NSD1: variants seen among roughly 807,000 people sequenced by gnomAD.
The protein encoded by NSD1 is histone-lysine N-methyltransferase, H3 lysine-36 specific.
Under a neutral mutation model 242.7 loss-of-function variants are expected in NSD1, and 26 were observed. The ratio of observed to expected loss-of-function variants is 0.11; its 90% CI spans 0.08 to 0.15. The LOEUF is 0.15. Among genes scored for constraint, NSD1 ranks in the 10% least tolerant of loss-of-function variants. The pLI, the probability that NSD1 is intolerant of heterozygous loss-of-function variation, is 1.00. For synonymous variants in NSD1, 1,106 were observed against 1,178.1 expected (o/e 0.94, Z 1.25); for missense variants, 2,495 against 3,272.8 (o/e 0.76, Z 5.80).
chr5:177,212,022 C>G lies in NSD1; in HGVS notation c.3623C>G (p.Thr1208Ser). The G allele has an allele frequency of 6.2e-7, 1 of 1,614,124 alleles. No individual in the cohort carries two copies. Among genetic ancestry groups the G allele is most frequent in the Non-Finnish European group, 8.5e-7 (1 of 1,180,028 alleles). ...EGRDEFPEHR[T>S]PSASILEEPL... ...CGGGATGAGTTTCCAGAGCATAGAACTCCTTCAGCAAGCATACTTGAGGAA... is the reference window on the plus strand; with the variant it reads ...CGGGATGAGTTTCCAGAGCATAGAAGTCCTTCAGCAAGCATACTTGAGGAA... The change falls in exon 5 of 23, where the codon ACT becomes AGT. Residue 1208 changes from threonine (T) to serine (S), a missense_variant. Thr to Ser is a moderately conservative substitution (Grantham distance 58, BLOSUM62 1). This residue lies in a region of NSD1 where 426 missense variants were observed against 411.4 expected (regional missense o/e 1.04). Coordinates refer to ENST00000439151, the MANE Select transcript of NSD1 (RefSeq NM_022455.5).
rs953238743 is a variant in NSD1 at position 177,238,276 on chromosome 5, G to A, written c.3961G>A (p.Gly1321Ser). The A allele has an allele frequency of 1.9e-6, 3 of 1,614,046 alleles. No individual in the cohort carries two copies. Among genetic ancestry groups the A allele is most frequent in the Non-Finnish European group, 2.5e-6 (3 of 1,180,012 alleles). Residue 1321 changes from glycine to serine, a missense_variant, in exon 7 of 23, where the codon GGT becomes AGT. This residue lies in a region of NSD1 where 100 missense variants were observed against 190.7 expected (regional missense o/e 0.52). Transcript: ENST00000439151. This position sits in a 1 kb window ranked among gnomAD's most constrained non-coding sequence, Gnocchi z 4.6. ...RCEEESLLAR[G>S]RSSAQNKQVD... is the part of the protein sequence containing the mutation. ...TGAAGAGGAAAGCCTTCTAGCCCGA[G>A]GTCGATCTAGTGCTCAGAACAAGCA...
chr5:177,212,822 A>G (rs187673305), intron 5 of NSD1, among the ~76,000 whole-genome samples: 1 of 150,810 alleles, frequency 6.6e-6, no homozygotes, highest in East Asian at 2.0e-4. Flanking sequence ...TTGTATTTTT[A>G]GTAGAGATGA....
intron 8 of NSD1, among the ~76,000 whole-genome samples, chr5:177,241,380 G>T (rs1054132662): frequency 6.6e-6 from 1 of 151,178 alleles, no homozygotes; most frequent in African/African-American, 2.4e-5. Context: ...TGGTACCTGC[G>T]CATAATCCCA....
At chr5:177,158,999 T>G (rs1581161412) in intron 2 of NSD1, among the ~76,000 whole-genome samples, 7 of 13,050 alleles carry the variant, frequency 5.4e-4, no homozygotes, top group African/African-American at 1.7e-3. Flanking sequence ...TGAATGATTT[T>G]ATATATATAT....
intron 13 of NSD1, among the ~76,000 whole-genome samples, chr5:177,258,592 ATGGCTCGATCT>A (rs1284002125): frequency 6.6e-6 from 1 of 151,514 alleles, no homozygotes; most frequent in Non-Finnish European, 1.5e-5. Context: ...CTGGAGTGCA[ATGGCTCGATCT>A]TGGCTCACTG....
intron 10 of NSD1, among the ~76,000 whole-genome samples, chr5:177,247,481 C>G (rs1392038217): frequency 3.3e-5 from 5 of 150,702 alleles, no homozygotes; most frequent in Admixed American, 2.0e-4. Flanking sequence ...CCACTCAGCT[C>G]TTTGGGAGGC....
chr5:177,247,622 T>G (rs1418904075), intron 10 of NSD1, among the ~76,000 whole-genome samples: 1 of 152,014 alleles, frequency 6.6e-6, no homozygotes, highest in Non-Finnish European at 1.5e-5. Context: ...TTTACTTGCT[T>G]ATTTCTTGAG....
At chr5:177,145,644 G>A (rs561452589) in intron 2 of NSD1, among the ~76,000 whole-genome samples, 5 of 152,132 alleles carry the variant, frequency 3.3e-5, no homozygotes, top group Non-Finnish European at 7.3e-5. Context: ...TGGGCGTGGT[G>A]GCTCACGCCT....
At chr5:177,257,375 C>T (rs753073833) in intron 13 of NSD1, among the ~76,000 whole-genome samples, 1 of 151,774 alleles carries the variant, frequency 6.6e-6, no homozygotes, top group African/African-American at 2.4e-5. Flanking sequence ...GGACTACAGG[C>T]GCCTGCCACC....
chr5:177,255,304 C>CA (rs200548841), intron 12 of NSD1, among the ~76,000 whole-genome samples: 3,582 of 129,580 alleles, frequency 0.028, 53 homozygotes, highest in South Asian at 0.063. Context: ...GATTGAGTCT[C>CA]AAAAAAAAAA....
At chr5:177,235,194 A>C (rs1295117527) in intron 5 of NSD1, among the ~76,000 whole-genome samples, 1 of 152,236 alleles carries the variant, frequency 6.6e-6, no homozygotes, top group Non-Finnish European at 1.5e-5. Context: ...GGTGGCTGAG[A>C]TAATGACACT....
chr5:177,159,097 C>T (rs1313620783), intron 2 of NSD1, among the ~76,000 whole-genome samples: 2 of 143,216 alleles, frequency 1.4e-5, no homozygotes, highest in Admixed American at 6.9e-5. Context: ...GGCAGGAGTG[C>T]AGTGGTGCCA....
intron 3 of NSD1, among the ~76,000 whole-genome samples, chr5:177,197,170 T>G (rs1762163345): frequency 6.6e-6 from 1 of 151,824 alleles, no homozygotes; most frequent in Non-Finnish European, 1.5e-5. Flanking sequence ...CTGGGGAGGC[T>G]GAGGCAGGAG....
chr5:177,171,349 C>T (rs2149798315), intron 2 of NSD1, among the ~76,000 whole-genome samples: 1 of 152,142 alleles, frequency 6.6e-6, no homozygotes, highest in East Asian at 1.9e-4. Context: ...TTACCATCCT[C>T]CTACACCTTA....
chr5:177,163,586 G>A (rs939967076), intron 2 of NSD1, among the ~76,000 whole-genome samples: 10 of 152,136 alleles, frequency 6.6e-5, no homozygotes, highest in African/African-American at 2.4e-4. Context: ...TAATCTATAA[G>A]GTGTTTTGAA....
At chr5:177,257,788 A>G (rs1465640006) in intron 13 of NSD1, among the ~76,000 whole-genome samples, 1 of 150,442 alleles carries the variant, frequency 6.6e-6, no homozygotes, top group African/African-American at 2.4e-5. Context: ...TGATTAGAAA[A>G]CCAGAGTGTA....
Position 177,164,529 on chromosome 5 carries a change from C to T in NSD1, c.928-27355C>T, listed in dbSNP as rs1267991913. Among the ~76,000 whole-genome samples, 5 of 152,266 alleles carry T rather than the reference C, an allele frequency of 3.3e-5. No homozygotes were observed. The East Asian group carries it at 9.6e-4, about 29-fold the overall frequency. On this transcript the variant is annotated intron_variant, in intron 2 of 22. Transcript: ENST00000439151. ...CTTCTGAGTTGTAATCGTTTATTAA[C>T]AATCACATTGTAAGTTTATCTATGA...
chr5:177,256,461 T>G (rs1756475520), intron 12 of NSD1, among the ~76,000 whole-genome samples: 1 of 152,042 alleles, frequency 6.6e-6, no homozygotes, highest in South Asian at 2.1e-4. Flanking sequence ...TTTTGTATGT[T>G]TAGTAGAGAT....
intron 5 of NSD1, among the ~76,000 whole-genome samples, chr5:177,226,207 C>T (rs1034019936): frequency 3.3e-5 from 5 of 151,948 alleles, no homozygotes; most frequent in African/African-American, 4.8e-5. Flanking sequence ...CCACCACACC[C>T]GGTTAATTTT....
Sources: gnomAD v4.1 joint callset for allele counts (sites outside exome capture counted in the v4.1 genomes callset) on GRCh38, gnomAD v4.1.1 for gene constraint, gnomAD v4.1.1 regional missense constraint, Gnocchi (gnomAD v3.1) non-coding constraint, MANE v1.5 for transcripts, NCBI Gene and HGNC (gene_info 2026-07-23, HGNC 2026-07-21) for gene names.